The following PIWIL2 variants were observed in gnomAD, a reference collection of about 807,000 sequenced individuals.
PIWIL2 encodes the protein piwi like RNA-mediated gene silencing 2.
In PIWIL2, 81 loss-of-function variants were observed where a neutral mutation model predicts 116.5. That is an observed-to-expected ratio of 0.70 (90% confidence interval 0.58 to 0.84). PIWIL2 has a LOEUF of 0.84. Among genes scored for constraint, PIWIL2 ranks in the 40% least tolerant of loss-of-function variants. The pLI, the probability that PIWIL2 is intolerant of heterozygous loss-of-function variation, is 0.00. For synonymous variants in PIWIL2, 489 were observed against 429.5 expected, an observed-to-expected ratio of 1.14 and a Z score of -1.71; for missense variants, 1,272 against 1,212.3, an observed-to-expected ratio of 1.05 and a Z score of -0.73.
chr8:22,334,547 A>G (rs1158826650), intron 20 of PIWIL2, among the ~76,000 whole-genome samples: 1 of 151,550 alleles, frequency 6.6e-6, no homozygotes, highest in Admixed American at 6.6e-5. Context: ...AGAAAATACA[A>G]AATTTGGTAA....
intron 20 of PIWIL2, among the ~76,000 whole-genome samples, chr8:22,340,765 G>T (rs756668100): frequency 6.6e-6 from 1 of 152,042 alleles, no homozygotes; most frequent in East Asian, 1.9e-4. Flanking sequence ...GTGTCACCCA[G>T]GCTGGAGTGC....
chr8:22,345,645 C>T (rs1832209776), intron 20 of PIWIL2, among the ~76,000 whole-genome samples: 1 of 152,054 alleles, frequency 6.6e-6, no homozygotes, highest in African/African-American at 2.4e-5. Context: ...GCCTGGGTGA[C>T]AGAGCAAGAC....
At chr8:22,339,506 C>CA (rs60263168) in intron 20 of PIWIL2, among the ~76,000 whole-genome samples, 20,476 of 147,578 alleles carry the variant, frequency 0.14, 3,906 homozygotes, top group African/African-American at 0.43. Context: ...GACTCCATCT[C>CA]AAAAAAAAAA....
rs750458544 is a variant in PIWIL2 at position 22,283,149 on chromosome 8, C to T, written c.541C>T (p.Pro181Ser). The T allele has an allele frequency of 1.2e-6, 2 of 1,614,146 alleles. No homozygotes were observed. The highest frequency in any genetic ancestry group is 1.1e-5 in the South Asian group (1 of 91,070). Residue 181 changes from proline to serine, a missense_variant, in exon 5 of 23, where the codon CCC becomes TCC. Coordinates refer to ENST00000356766, the MANE Select transcript of PIWIL2 (RefSeq NM_018068.5). ...PCTFSTPSRG[P>S]PQLSSPPALP... ...TACCTTCAGCACACCGTCCCGGGGT[C>T]CCCCGCAGCTGTCATCACCACCAGC...
At chr8:22,324,790 A>G (rs938974874) in intron 20 of PIWIL2, among the ~76,000 whole-genome samples, 2 of 148,328 alleles carry the variant, frequency 1.3e-5, no homozygotes, top group Non-Finnish European at 2.9e-5. Context: ...TGTTTTTATG[A>G]AGAGAGGAAA....
intron 13 of PIWIL2, among the ~76,000 whole-genome samples, chr8:22,306,656 T>C (rs1363189340): frequency 6.6e-6 from 1 of 152,220 alleles, no homozygotes; most frequent in African/African-American, 2.4e-5. Flanking sequence ...AGTCCATGTC[T>C]GTCTTAGACC....
intron 20 of PIWIL2, among the ~76,000 whole-genome samples, chr8:22,323,141 A>ATGTT (rs1367341771): frequency 1.2e-5 from 1 of 81,936 alleles, no homozygotes; most frequent in East Asian, 5.8e-4. Flanking sequence ...GATAGTCTTG[A>ATGTT]TCTTTTTTTT....
intron 10 of PIWIL2, among the ~76,000 whole-genome samples, chr8:22,294,415 G>A (rs1248953791): frequency 1.3e-5 from 2 of 151,160 alleles, no homozygotes; most frequent in African/African-American, 4.9e-5. Flanking sequence ...GCCGAGGCGG[G>A]CAGATCATGA....
intron 10 of PIWIL2, among the ~76,000 whole-genome samples, chr8:22,294,408 G>A (rs1357250529): frequency 2.0e-5 from 3 of 149,598 alleles, no homozygotes; most frequent in African/African-American, 4.9e-5. Flanking sequence ...TTGGGAGGCC[G>A]AGGCGGGCAG....
At chr8:22,295,520 C>A (rs1830876481) in intron 10 of PIWIL2, among the ~76,000 whole-genome samples, 2 of 152,156 alleles carry the variant, frequency 1.3e-5, no homozygotes, top group African/African-American at 4.8e-5. Context: ...AGAACCTCTT[C>A]TCCAAGATAG....
At chr8:22,284,040 G>A (rs1830575676) in intron 5 of PIWIL2, 122 bp from the exon 6 acceptor site, 1 of 564,562 alleles carries the variant, frequency 1.8e-6, no homozygotes, top group Non-Finnish European at 3.1e-6. Flanking sequence ...ATGTGTATCT[G>A]TAGCAAAATG....
intron 12 of PIWIL2, 58 bp from the exon 13 acceptor site, chr8:22,305,869 G>T: frequency 5.7e-6 from 7 of 1,237,288 alleles, no homozygotes; most frequent in Non-Finnish European, 8.4e-6. Context: ...GTCCTGTATG[G>T]TCGGGAACAT....
chr8:22,297,884 G>A (rs1830949351), intron 10 of PIWIL2, among the ~76,000 whole-genome samples: 1 of 152,120 alleles, frequency 6.6e-6, no homozygotes, highest in Admixed American at 6.5e-5. Flanking sequence ...TGTTTTCTAT[G>A]TTGAGCAGAA....
At chr8:22,311,957 A>C (rs1336703550) in intron 16 of PIWIL2, among the ~76,000 whole-genome samples, 3 of 151,588 alleles carry the variant, frequency 2.0e-5, no homozygotes, top group Non-Finnish European at 4.4e-5. Flanking sequence ...CTTTTTTTAA[A>C]TTTTTTTTTG....
intron 20 of PIWIL2, among the ~76,000 whole-genome samples, chr8:22,331,065 A>G (rs1219279437): frequency 1.3e-5 from 2 of 152,106 alleles, no homozygotes; most frequent in Admixed American, 6.5e-5. Context: ...AATCCCAGCT[A>G]CTAAGGAGGC....
intron 20 of PIWIL2, among the ~76,000 whole-genome samples, chr8:22,349,857 T>C (rs79021774): frequency 0.062 from 9,381 of 152,228 alleles, 357 homozygotes; most frequent in Admixed American, 0.092. Context: ...GGCACTGCCA[T>C]TGAAGGGCCA....
At chr8:22,279,887 G>A (rs894899942) in intron 2 of PIWIL2, among the ~76,000 whole-genome samples, 2 of 152,208 alleles carry the variant, frequency 1.3e-5, no homozygotes, top group African/African-American at 4.8e-5. Context: ...AACCGTGGAG[G>A]CGGAGGTTGC....
At position 22,279,356 on chromosome 8, in the gene PIWIL2, A is replaced by G; in HGVS notation, c.-31A>G. On this transcript the variant is annotated 5_prime_UTR_variant, in exon 2 of 23. Transcript: ENST00000356766. ...ATGATGGCAGGTAATTAACCAGAAC[A>G]GGATCGACACGTGTTCTCTACAGCC... 6.4e-7 allele frequency: 1 copy of G among 1,567,970 alleles called. No individual in the cohort carries two copies. The highest frequency in any genetic ancestry group is 8.8e-7 in the Non-Finnish European group (1 of 1,137,940).
intron 7 of PIWIL2, among the ~76,000 whole-genome samples, chr8:22,288,092 A>AT (rs1830670701): frequency 6.6e-6 from 1 of 152,114 alleles, no homozygotes; most frequent in Non-Finnish European, 1.5e-5. Flanking sequence ...AGGTCACGAG[A>AT]TTGAGACCAT....
Sources: allele counts gnomAD v4.1 joint callset (sites outside exome capture counted in the v4.1 genomes callset), GRCh38; gene constraint gnomAD v4.1.1; transcripts MANE v1.5; gene names NCBI Gene and HGNC (gene_info 2026-07-23, HGNC 2026-07-21).